TM6SF1: variants seen among roughly 807,000 people sequenced by gnomAD.
TM6SF1 encodes the protein transmembrane 6 superfamily member 1.
In TM6SF1, 43 loss-of-function variants were observed where a neutral mutation model predicts 47.1. The ratio of observed to expected loss-of-function variants is 0.91; its 90% confidence interval spans 0.72 to 1.18. The LOEUF (loss-of-function observed/expected upper bound fraction) is 1.18. TM6SF1 is among the 50% of genes most tolerant of loss of function. The probability of loss-of-function intolerance (pLI) is 0.00; values close to 1 mark genes in which losing one functional copy is unlikely to be tolerated. For missense variants in TM6SF1, 390 were observed against 449.0 expected, an observed-to-expected ratio of 0.87 and a Z score of 1.19; for synonymous variants, 177 against 166.3, an observed-to-expected ratio of 1.06 and a Z score of -0.49.
At chr15:83,108,443 G>A (rs532391329) in intron 1 of TM6SF1, among the ~76,000 whole-genome samples, 2 of 152,150 alleles carry the variant, frequency 1.3e-5, no homozygotes, top group East Asian at 3.9e-4. Flanking sequence ...GTGCTTCCCA[G>A]TGCCTGCGCT....
chr15:83,124,123 T>A (rs73455410), intron 6 of TM6SF1, among the ~76,000 whole-genome samples: 6,912 of 152,256 alleles, frequency 0.045, 434 homozygotes, highest in African/African-American at 0.13. Flanking sequence ...TGTTTCCATA[T>A]GGTATTCAGT....
At chr15:83,125,207 G>A (rs539338771) in intron 7 of TM6SF1, among the ~76,000 whole-genome samples, 3 of 152,312 alleles carry the variant, frequency 2.0e-5, no homozygotes, top group Admixed American at 2.0e-4. Flanking sequence ...AACAATTCAC[G>A]TGTATGTAGG....
intron 1 of TM6SF1, among the ~76,000 whole-genome samples, chr15:83,111,402 ATCATCCATCCATCCAT>A: frequency 6.6e-6 from 1 of 151,546 alleles, no homozygotes; most frequent in Admixed American, 6.6e-5. Context: ...CCATTCACCC[ATCATCCATCCATCCAT>A]TCATCCATCA....
intron 4 of TM6SF1, among the ~76,000 whole-genome samples, 176 bp from the exon 5 acceptor site, chr15:83,121,745 G>A (rs2035269595): frequency 6.6e-6 from 1 of 152,152 alleles, no homozygotes; most frequent in African/African-American, 2.4e-5. Flanking sequence ...TATATCACAT[G>A]GCAATGAAGT....
chr15:83,136,747 A>G lies in TM6SF1; in HGVS notation c.*75A>G. 8 of 1,274,030 alleles carry G rather than the reference A, an allele frequency of 6.3e-6. No homozygotes were observed. The highest frequency in any genetic ancestry group is 8.8e-6 in the Non-Finnish European group (8 of 912,324). The allele number at this position is 1,274,030 out of a possible 1,614,324, so 78.9% of individuals were successfully genotyped here. A position where few individuals can be genotyped will look rare whatever the true frequency, so the allele number is the denominator to read the frequency against. Reference sequence around the variant, plus strand: ...TGGTACTGATATTTTGTCCCATTTCACTCTCTTCTCATACGTGAGTACTTA... The same window carrying G: ...TGGTACTGATATTTTGTCCCATTTCGCTCTCTTCTCATACGTGAGTACTTA... On this transcript the variant is annotated 3_prime_UTR_variant, in exon 10 of 10. Coordinates refer to ENST00000322019, the MANE Select transcript of TM6SF1 (RefSeq NM_023003.5).
intron 1 of TM6SF1, among the ~76,000 whole-genome samples, chr15:83,108,458 T>G (rs910398439): frequency 1.4e-5 from 2 of 147,282 alleles, no homozygotes; most frequent in Non-Finnish European, 3.0e-5. Context: ...TGCGCTGGGG[T>G]AGGATGGGGA....
At chr15:83,128,455 C>T (rs1161142583) in intron 9 of TM6SF1, 1 of 152,164 alleles carries the variant, frequency 6.6e-6, no homozygotes, top group African/African-American at 2.4e-5. Flanking sequence ...ACATTTATTG[C>T]TCTTTGCTGG....
At chr15:83,122,942 G>C (rs992930374) in intron 6 of TM6SF1, 64 bp downstream of exon 6, 8 of 1,586,580 alleles carry the variant, frequency 5.0e-6, no homozygotes, top group Middle Eastern at 1.7e-4. Flanking sequence ...GCATCCACTG[G>C]CCACTGAATT....
rs774118058 is a variant in TM6SF1, at chr15:83,112,793, G to A, written c.93-4G>A. On this transcript the variant is annotated splice_region_variant and splice_polypyrimidine_tract_variant and intron_variant, in intron 1 of 9. Transcript: ENST00000322019. The stretch of plus-strand genomic sequence containing the variant: ...TGACCACCTCCCTGTTCTGGTCGTT[G>A]CAGTTCCTGGACTATTGTAGGGGTT... The A allele has an allele frequency of 1.2e-6, 2 of 1,610,074 alleles. No individual in the cohort carries two copies. The highest frequency in any genetic ancestry group is 1.1e-5 in the South Asian group (1 of 91,012).
intron 2 of TM6SF1, chr15:83,115,575 G>T: frequency 3.4e-6 from 2 of 587,688 alleles, no homozygotes; most frequent in Non-Finnish European, 6.4e-6. Flanking sequence ...AGAATCTTCT[G>T]TGACTGAGCC....
rs988812765 is a variant in TM6SF1 at position 83,119,524 on chromosome 15, T to C, written c.295-54T>C. 4 of 1,566,618 alleles carry C rather than the reference T, an allele frequency of 2.6e-6. No individual in the cohort carries two copies. In the Admixed American group the frequency reaches 5.1e-5, roughly 20 times the overall value. Reference sequence around the variant, plus strand: ...TTTTACTTGCAATACAGGTCTGATGTTCTGCATTTACAGGTCTTATTTAAA... The same window carrying C: ...TTTTACTTGCAATACAGGTCTGATGCTCTGCATTTACAGGTCTTATTTAAA... On this transcript the variant is annotated intron_variant, in intron 3 of 9. Coordinates refer to ENST00000322019, the MANE Select transcript of TM6SF1 (RefSeq NM_023003.5).
intron 9 of TM6SF1, chr15:83,131,047 G>A (rs1428097060): frequency 6.6e-6 from 1 of 152,070 alleles, no homozygotes; most frequent in African/African-American, 2.4e-5. Flanking sequence ...CCGAGACTGT[G>A]TCACTGCACT....
intron 1 of TM6SF1, among the ~76,000 whole-genome samples, chr15:83,111,872 G>A (rs1025026991): frequency 1.2e-4 from 18 of 152,152 alleles, no homozygotes; most frequent in Non-Finnish European, 2.1e-4. Flanking sequence ...CAGTCTCCTA[G>A]GGCCTGCAAC....
rs1596458171 is a variant in TM6SF1 at position 83,107,797 on chromosome 15, T to C, written c.92+25T>C. On this transcript the variant is annotated intron_variant, in intron 1 of 9. Coordinates refer to ENST00000322019, the MANE Select transcript of TM6SF1 (RefSeq NM_023003.5). The surrounding 1 kb of genome is among the most constrained non-coding windows in gnomAD (Gnocchi z 5.6). ...AGTGAGTGAGCCGGCGCGGCGGGGG[T>C]CGCGCCGAGGGGCGGCGGGAGTTGG... 6.4e-7 allele frequency: 1 copy of C among 1,563,434 alleles called. No individual in the cohort carries two copies. The highest frequency in any genetic ancestry group is 8.6e-7 in the Non-Finnish European group (1 of 1,156,494).
At position 83,136,683 on chromosome 15, in the gene TM6SF1, T is replaced by C; in HGVS notation, c.*11T>C. On this transcript the variant is annotated 3_prime_UTR_variant, in exon 10 of 10. Coordinates refer to ENST00000322019, the MANE Select transcript of TM6SF1 (RefSeq NM_023003.5). Reference sequence around the variant, plus strand: ...GAAAAAGTGGAATAAAAATATTACTTCATGTTCCTCCTTTCTAAATTACTA... The same window carrying C: ...GAAAAAGTGGAATAAAAATATTACTCCATGTTCCTCCTTTCTAAATTACTA... 1 of 1,583,692 alleles carries C rather than the reference T, an allele frequency of 6.3e-7. No individual in the cohort carries two copies. The highest frequency in any genetic ancestry group is 8.6e-7 in the Non-Finnish European group (1 of 1,168,744).
intron 1 of TM6SF1, chr15:83,111,553 A>T: frequency 2.2e-6 from 2 of 927,384 alleles, no homozygotes; most frequent in Non-Finnish European, 1.3e-6. Context: ...CCCTCCTTCT[A>T]TTCTTATCTT....
At chr15:83,132,517 G>C (rs534743656) in intron 9 of TM6SF1, 3 of 151,838 alleles carry the variant, frequency 2.0e-5, no homozygotes, top group Non-Finnish European at 4.4e-5. Flanking sequence ...GGAAACTTAC[G>C]TGTGAATAAT....
intron 7 of TM6SF1, among the ~76,000 whole-genome samples, chr15:83,125,833 AAG>A (rs2151373927): frequency 6.6e-6 from 1 of 152,280 alleles, no homozygotes; most frequent in African/African-American, 2.4e-5. Context: ...AAGCTGTTTT[AAG>A]AGTTATCTTT....
At chr15:83,111,615 G>A (rs531270700) in intron 1 of TM6SF1, 1,051 of 985,394 alleles carry the variant, frequency 1.1e-3, no homozygotes, top group Non-Finnish European at 1.2e-3. Context: ...ATGTTGGGCT[G>A]TGGTGGTGTG....
Sources: gnomAD v4.1 joint callset for allele counts (sites outside exome capture counted in the v4.1 genomes callset) on GRCh38, gnomAD v4.1.1 for gene constraint, Gnocchi (gnomAD v3.1) non-coding constraint, MANE v1.5 for transcripts, NCBI Gene and HGNC (gene_info 2026-07-23, HGNC 2026-07-21) for gene names.